Variants in MDM4 observed in about 807,000 individuals in gnomAD.
MDM4 encodes MDM4 regulator of p53.
A neutral mutation model predicts 60.2 loss-of-function variants in MDM4; 2 were observed. The observed-to-expected ratio is 0.03, with a 90% CI of 0.01 to 0.10. The LOEUF is 0.10. Among genes scored for constraint, MDM4 ranks in the 10% least tolerant of loss-of-function variants. MDM4 has a pLI of 1.00. For missense variants in MDM4, 447 were observed against 577.5 expected (o/e 0.77, Z 2.32); for synonymous variants, 202 against 198.1 (o/e 1.02, Z -0.17).
At chr1:204,544,441 G>A (rs1191972233) in intron 8 of MDM4, 94 bp from the exon 9 acceptor site, 25 of 1,225,928 alleles carry the variant, frequency 2.0e-5, no homozygotes, top group Non-Finnish European at 2.6e-5. Flanking sequence ...GCGATGTAGT[G>A]TGACGACATT....
Position 204,551,042 on chromosome 1 carries a change from T to C in MDM4, c.*1360T>C, listed in dbSNP as rs1558340487. On this transcript the variant is annotated 3_prime_UTR_variant, in exon 11 of 11. Coordinates refer to ENST00000367182, the MANE Select transcript of MDM4 (RefSeq NM_002393.5). ...GCCTTCAGAAGCATCAGTTTTTGTTTTGTTTTGTTTTGTTTTTTGAGACAG... is the reference window on the plus strand; with the variant it reads ...GCCTTCAGAAGCATCAGTTTTTGTTCTGTTTTGTTTTGTTTTTTGAGACAG... 1 of 185,796 alleles carries C rather than the reference T, an allele frequency of 5.4e-6. No individual in the cohort carries two copies. Among genetic ancestry groups the C allele is most frequent in the African/African-American group, 2.4e-5 (1 of 42,532 alleles). The allele number at this position is 185,796 out of a possible 1,614,324, so 11.5% of individuals were successfully genotyped here.
At chr1:204,516,560 G>A (rs925491064) in intron 1 of MDM4, 51 bp downstream of exon 1, 5 of 152,412 alleles carry the variant, frequency 3.3e-5, no homozygotes, top group Non-Finnish European at 7.3e-5. Context: ...GAGCTGGAGA[G>A]TGAGGAGCAG....
chr1:204,537,512 C>CGTGT lies in MDM4; in HGVS notation c.411+16_411+17insTGTG. On this transcript the variant is annotated intron_variant, in intron 6 of 10. Transcript: ENST00000367182. Reference sequence around the variant, plus strand: ...ACCAACTGAAGGTAAAATCACCACACGGTGACTTCTTTTGTTGTACAGAGT... The same window carrying CGTGT: ...ACCAACTGAAGGTAAAATCACCACACGTGTGGTGACTTCTTTTGTTGTACAGAGT... 1 of 1,586,500 alleles carries CGTGT rather than the reference C, an allele frequency of 6.3e-7. No individual in the cohort carries two copies. The highest frequency in any genetic ancestry group is 8.7e-7 in the Non-Finnish European group (1 of 1,154,812).
rs1558346625 is a variant in MDM4 at position 204,556,124 on chromosome 1, G to A, written c.*6442G>A. 1.3e-5 allele frequency: 3 copies of A among 222,958 alleles called. No individual in the cohort carries two copies. Among genetic ancestry groups the A allele is most frequent in the African/African-American group, 2.2e-5 (1 of 44,712 alleles). The allele number at this position is 222,958 out of a possible 1,614,324, so 13.8% of individuals were successfully genotyped here. A position where few individuals can be genotyped will look rare whatever the true frequency, so the allele number is the denominator to read the frequency against. On this transcript the variant is annotated 3_prime_UTR_variant, in exon 11 of 11. Coordinates refer to ENST00000367182, the MANE Select transcript of MDM4 (RefSeq NM_002393.5). The stretch of plus-strand genomic sequence containing the variant: ...AAAAAAAAACCCTTCCACCTTTACT[G>A]TGTCATTTATATCCCCTTAGTTCCA...
Position 204,553,344 on chromosome 1 carries a change from G to A in MDM4, c.*3662G>A, listed in dbSNP as rs1161292768. ...TACTGACATTTACCTTTTAGCTGTAGTTATTGGGACCATGTGCTCTGGTTT... is the reference window on the plus strand; with the variant it reads ...TACTGACATTTACCTTTTAGCTGTAATTATTGGGACCATGTGCTCTGGTTT... On this transcript the variant is annotated 3_prime_UTR_variant, in exon 11 of 11. Transcript: ENST00000367182. The A allele has an allele frequency of 9.0e-6, 2 of 221,790 alleles. No homozygotes were observed. Among genetic ancestry groups the A allele is most frequent in the Non-Finnish European group, 1.8e-5 (2 of 110,728 alleles). 13.7% of individuals were successfully genotyped at this position (221,790 alleles called of 1,614,324 possible).
At chr1:204,534,084 A>G (rs563908570) in intron 5 of MDM4, among the ~76,000 whole-genome samples, 1 of 152,102 alleles carries the variant, frequency 6.6e-6, no homozygotes, top group African/African-American at 2.4e-5. Flanking sequence ...CCGCCCCCAG[A>G]CCTAAATCAA....
chr1:204,526,133 G>A (rs1224766297), intron 2 of MDM4, among the ~76,000 whole-genome samples: 1 of 152,084 alleles, frequency 6.6e-6, no homozygotes, highest in Non-Finnish European at 1.5e-5. Flanking sequence ...GCGTGCACCT[G>A]TAGTCCCAGC....
intron 1 of MDM4, among the ~76,000 whole-genome samples, chr1:204,523,981 GAGT>G (rs1659850588): frequency 6.6e-6 from 1 of 152,066 alleles, no homozygotes; most frequent in East Asian, 1.9e-4. Context: ...GTGGCTGGGC[GAGT>G]AGTATGGCGG....
intron 3 of MDM4, among the ~76,000 whole-genome samples, chr1:204,527,196 A>G (rs1189696236): frequency 6.6e-6 from 1 of 151,856 alleles, no homozygotes; most frequent in Admixed American, 6.6e-5. Flanking sequence ...CCCAGCAGCT[A>G]CATGGGAGGC....
intron 5 of MDM4, among the ~76,000 whole-genome samples, chr1:204,534,046 G>A (rs574966220): frequency 2.9e-4 from 44 of 152,000 alleles, no homozygotes; most frequent in African/African-American, 9.4e-4. Context: ...TCAGCCTCCC[G>A]AGGTGTTGGG....
chr1:204,532,891 A>C (rs554764023), intron 5 of MDM4: 2 of 1,548,428 alleles, frequency 1.3e-6, no homozygotes, highest in South Asian at 2.4e-5. Flanking sequence ...TGCTTGAATA[A>C]ATTCAAGTTT....
At chr1:204,535,957 T>C (rs1019716163) in intron 5 of MDM4, among the ~76,000 whole-genome samples, 1 of 152,144 alleles carries the variant, frequency 6.6e-6, no homozygotes, top group African/African-American at 2.4e-5. Flanking sequence ...AGTAATAGGA[T>C]TGCTTTATTA....
intron 7 of MDM4, among the ~76,000 whole-genome samples, chr1:204,539,211 A>G (rs1204966783): frequency 6.6e-6 from 1 of 151,572 alleles, no homozygotes; most frequent in African/African-American, 2.4e-5. Flanking sequence ...GTCTCGAACT[A>G]CTGGCCTCAA....
intron 7 of MDM4, among the ~76,000 whole-genome samples, chr1:204,541,748 A>G (rs1662106982): frequency 1.3e-5 from 2 of 152,242 alleles, no homozygotes; most frequent in African/African-American, 4.8e-5. Flanking sequence ...AAGTGGAAAC[A>G]TAATTGAAGT....
chr1:204,527,696 A>G (rs987255918), intron 3 of MDM4, among the ~76,000 whole-genome samples: 1 of 61,220 alleles, frequency 1.6e-5, no homozygotes, highest in Non-Finnish European at 3.2e-5. Context: ...GAGTTATTTT[A>G]AACACATGCA....
chr1:204,525,021 G>A (rs1381127021), intron 1 of MDM4, among the ~76,000 whole-genome samples: 1 of 152,100 alleles, frequency 6.6e-6, no homozygotes, highest in Non-Finnish European at 1.5e-5. Flanking sequence ...TTGACTCTTA[G>A]TTAACTTTCT....
chr1:204,517,726 C>G (rs1423267291), intron 1 of MDM4, among the ~76,000 whole-genome samples: 1 of 151,322 alleles, frequency 6.6e-6, no homozygotes, highest in Non-Finnish European at 1.5e-5. Flanking sequence ...AAAAGCAACA[C>G]CCGGAGAAAA....
chr1:204,529,315 G>T, intron 3 of MDM4: 1 of 771,992 alleles, frequency 1.3e-6, no homozygotes, highest in Non-Finnish European at 2.4e-6. Flanking sequence ...ACTGTGATCA[G>T]AGTCACCGAC....
intron 1 of MDM4, among the ~76,000 whole-genome samples, chr1:204,521,527 G>A (rs1659566036): frequency 6.6e-6 from 1 of 152,090 alleles, no homozygotes; most frequent in Non-Finnish European, 1.5e-5. Context: ...GCTCAGCTGG[G>A]CAACTGCACC....
Sources: allele counts gnomAD v4.1 joint callset (sites outside exome capture counted in the v4.1 genomes callset), GRCh38; gene constraint gnomAD v4.1.1; transcripts MANE v1.5; gene names NCBI Gene and HGNC (gene_info 2026-07-23, HGNC 2026-07-21).